The following GRIK2 variants were observed in gnomAD, a reference collection of about 807,000 sequenced individuals.
GRIK2 encodes glutamate ionotropic receptor kainate type subunit 2.
A neutral mutation model predicts 100.3 loss-of-function variants in GRIK2; 32 were observed. The observed-to-expected ratio is 0.32, with a 90% CI of 0.24 to 0.43. GRIK2 has a LOEUF of 0.43. Among genes scored for constraint, GRIK2 ranks in the 20% least tolerant of loss-of-function variants. GRIK2 has a pLI of 1.00. For synonymous variants in GRIK2, 417 were observed against 389.4 expected (o/e 1.07, Z -0.83); for missense variants, 843 against 1,114.9 (o/e 0.76, Z 3.47).
At chr6:101,636,956 C>T (rs1480422302) in intron 4 of GRIK2, among the ~76,000 whole-genome samples, 2 of 152,074 alleles carry the variant, frequency 1.3e-5, no homozygotes, top group Admixed American at 6.6e-5. Flanking sequence ...CTTGTATCAT[C>T]TCTCTGAAAC....
At chr6:102,043,625 G>A (rs911317082) in intron 15 of GRIK2, among the ~76,000 whole-genome samples, 75 of 151,942 alleles carry the variant, frequency 4.9e-4, no homozygotes, top group Admixed American at 3.0e-3. Context: ...TCCATTGTGT[G>A]TATATGTACT....
At chr6:101,865,017 A>T (rs1784962722) in intron 11 of GRIK2, among the ~76,000 whole-genome samples, 1 of 152,236 alleles carries the variant, frequency 6.6e-6, no homozygotes, top group Admixed American at 6.5e-5. Context: ...TGATGTAGGT[A>T]AAAGAGTGCA....
chr6:101,815,859 G>T (rs1361445), intron 9 of GRIK2, among the ~76,000 whole-genome samples: 41,256 of 151,926 alleles, frequency 0.27, 7,524 homozygotes, highest in East Asian at 0.67. Context: ...TTTCTGAAAT[G>T]TCATAATATT....
rs533436502 is a variant in GRIK2, at chr6:102,011,083, G to A, written c.2086-24258G>A. On this transcript the variant is annotated intron_variant, in intron 14 of 16. Transcript: ENST00000369134. Reference sequence around the variant, plus strand: ...ATGATTGCTGGATTATATGAGAAGAGTAAGTTTGATTTTATAAGAAACTGT... The same window carrying A: ...ATGATTGCTGGATTATATGAGAAGAATAAGTTTGATTTTATAAGAAACTGT... Among the ~76,000 whole-genome samples, 762 of 152,272 alleles carry A rather than the reference G, an allele frequency of 5.0e-3. 7 individuals are homozygous for A. Among genetic ancestry groups the A allele is most frequent in the African/African-American group, 0.017 (726 of 41,562 alleles).
At chr6:102,010,294 G>A (rs757477370) in intron 14 of GRIK2, among the ~76,000 whole-genome samples, 1 of 151,884 alleles carries the variant, frequency 6.6e-6, no homozygotes, top group Non-Finnish European at 1.5e-5. Context: ...ATAGTGTAAT[G>A]CAAAATAATT....
intron 2 of GRIK2, among the ~76,000 whole-genome samples, chr6:101,511,604 T>G (rs1774321266): frequency 6.6e-6 from 1 of 152,030 alleles, no homozygotes; most frequent in Non-Finnish European, 1.5e-5. Context: ...GATTATTGTC[T>G]TAACATTTCT....
At chr6:101,924,332 G>A (rs1789748306) in intron 12 of GRIK2, among the ~76,000 whole-genome samples, 1 of 152,038 alleles carries the variant, frequency 6.6e-6, no homozygotes, top group Non-Finnish European at 1.5e-5. Context: ...CTTAAAAAAT[G>A]TTATTGGTTT....
At chr6:101,638,216 T>A (rs1763894697) in intron 4 of GRIK2, among the ~76,000 whole-genome samples, 1 of 150,178 alleles carries the variant, frequency 6.7e-6, no homozygotes, top group Non-Finnish European at 1.5e-5. Flanking sequence ...CCACAAGTAA[T>A]TATCAAGTAT....
chr6:101,420,098 A>G (rs1776340921), intron 2 of GRIK2, among the ~76,000 whole-genome samples: 1 of 152,214 alleles, frequency 6.6e-6, no homozygotes, highest in Non-Finnish European at 1.5e-5. Context: ...GGCAGGTACA[A>G]TGCAAGTGTT....
At chr6:101,948,543 T>C (rs1409484300) in intron 14 of GRIK2, among the ~76,000 whole-genome samples, 1 of 148,108 alleles carries the variant, frequency 6.8e-6, no homozygotes, top group Non-Finnish European at 1.5e-5. Context: ...TAATATAGTT[T>C]TATATAGTTA....
At chr6:101,889,605 C>CTTTTTTTTTTTTTTTTTT (rs2243354) in intron 11 of GRIK2, 35 bp from the exon 12 acceptor site, 8 of 712,452 alleles carry the variant, frequency 1.1e-5, no homozygotes, top group South Asian at 2.5e-5. Context: ...TTCTTTCTTT[C>CTTTTTTTTTTTTTTTTTT]TTTTTTTTTT....
rs1197199849 is a variant in GRIK2 at position 101,548,035 on chromosome 6, CATT to C, written c.116-73913_116-73911del. On this transcript the variant is annotated intron_variant, in intron 2 of 16. Transcript: ENST00000369134. ...TTCTAACTGGTGTGAGATGGTATCT[CATT>C]GTGGTTTTGATTTGCATTTCTCTGA... Among the ~76,000 whole-genome samples, 4 of 151,882 alleles carry C rather than the reference CATT, an allele frequency of 2.6e-5. No individual in the cohort carries two copies. The East Asian group carries it at 7.7e-4, about 29-fold the overall frequency.
intron 4 of GRIK2, among the ~76,000 whole-genome samples, chr6:101,631,916 A>C (rs1780760772): frequency 6.6e-6 from 1 of 152,028 alleles, no homozygotes; most frequent in Non-Finnish European, 1.5e-5. Flanking sequence ...CATTTTTAAG[A>C]AGACTTACAA....
intron 11 of GRIK2, among the ~76,000 whole-genome samples, chr6:101,864,625 C>G (rs534141926): frequency 1.3e-5 from 2 of 152,126 alleles, no homozygotes; most frequent in East Asian, 3.9e-4. Flanking sequence ...AGGAAATACT[C>G]AAGAAAAGTA....
intron 2 of GRIK2, among the ~76,000 whole-genome samples, chr6:101,498,366 C>G (rs1415015825): frequency 6.6e-6 from 1 of 152,016 alleles, no homozygotes; most frequent in Non-Finnish European, 1.5e-5. Flanking sequence ...GATTTATAGT[C>G]CTTTGGGTAT....
chr6:102,060,059 C>A (rs1168996330), intron 16 of GRIK2, among the ~76,000 whole-genome samples: 1 of 150,256 alleles, frequency 6.7e-6, no homozygotes. Context: ...ATAGGTGTCC[C>A]ATCTTGAACA....
Position 101,459,183 on chromosome 6 carries a change from A to G in GRIK2, c.115+59791A>G, listed in dbSNP as rs555459249. 3.4e-4 allele frequency among the ~76,000 whole-genome samples: 52 copies of G among 152,096 alleles called. 1 individual carries two copies. The highest frequency in any genetic ancestry group is 6.3e-4 in the Non-Finnish European group (43 of 68,018). On this transcript the variant is annotated intron_variant, in intron 2 of 16. Transcript: ENST00000369134. The stretch of plus-strand genomic sequence containing the variant: ...CACATGTAATGAAAACTATCCATGC[A>G]TGATTTCTAGCCTAATTTGGCAGAT...
chr6:101,511,178 A>T (rs895172828), intron 2 of GRIK2, among the ~76,000 whole-genome samples: 1 of 152,188 alleles, frequency 6.6e-6, no homozygotes, highest in African/African-American at 2.4e-5. Context: ...TTATCCTTGG[A>T]AATTCTCTAT....
intron 16 of GRIK2, chr6:102,065,952 A>T (rs908033023): frequency 6.3e-6 from 8 of 1,276,572 alleles, no homozygotes; most frequent in Non-Finnish European, 8.1e-6. Context: ...AACAAGAAAC[A>T]CTGTTTCCAT....
Sources: allele counts gnomAD v4.1 joint callset (sites outside exome capture counted in the v4.1 genomes callset), GRCh38; gene constraint gnomAD v4.1.1; transcripts MANE v1.5; gene names NCBI Gene and HGNC (gene_info 2026-07-23, HGNC 2026-07-21).